Variants in PPP1R9A observed in about 807,000 individuals in gnomAD.
PPP1R9A encodes the protein protein phosphatase 1 regulatory subunit 9A.
A neutral mutation model predicts 141.9 loss-of-function variants in PPP1R9A; 59 were observed. That is an observed-to-expected ratio of 0.42 (90% CI 0.34 to 0.52). The LOEUF (loss-of-function observed/expected upper bound fraction) is 0.52, where lower values mean the gene tolerates loss of function less well. PPP1R9A is among the 20% of genes least tolerant of loss of function. The pLI, the probability that PPP1R9A is intolerant of heterozygous loss-of-function variation, is 0.10. For missense variants in PPP1R9A, 1,444 were observed against 1,611.9 expected (o/e 0.90, Z 1.78); for synonymous variants, 500 against 569.7 (o/e 0.88, Z 1.74).
intron 2 of PPP1R9A, among the ~76,000 whole-genome samples, chr7:95,017,619 T>C (rs1805288616): frequency 6.6e-6 from 1 of 152,036 alleles, no homozygotes; most frequent in Admixed American, 6.6e-5. Context: ...TTATAAAAAC[T>C]ATGTGGAAGT....
At chr7:94,925,744 A>G (rs1021261737) in intron 2 of PPP1R9A, among the ~76,000 whole-genome samples, 3 of 152,006 alleles carry the variant, frequency 2.0e-5, no homozygotes, top group Non-Finnish European at 4.4e-5. Flanking sequence ...ATAACCTGTT[A>G]TGTTCATCAT....
intron 4 of PPP1R9A, among the ~76,000 whole-genome samples, chr7:95,159,357 T>C (rs556613296): frequency 1.3e-5 from 2 of 152,306 alleles, no homozygotes; most frequent in Non-Finnish European, 2.9e-5. Context: ...TATTCATGCA[T>C]ATATATAGAT....
At position 95,207,082 on chromosome 7, in the gene PPP1R9A, TC is replaced by T. The variant is rs1166390833; in HGVS notation, c.1956+3354del. 5.3e-5 allele frequency among the ~76,000 whole-genome samples: 8 copies of T among 152,268 alleles called. No homozygotes were observed. In the East Asian group the frequency reaches 1.4e-3, roughly 26 times the overall value. On this transcript the variant is annotated intron_variant, in intron 7 of 19. Coordinates refer to ENST00000433360, the MANE Select transcript of PPP1R9A (RefSeq NM_001166160.2). ...CAGAAGAAAAAAAAAAGCATATCTTTCCTTGGGCGTTCATCTTTACTCAAAG... is the reference window on the plus strand; with the variant it reads ...CAGAAGAAAAAAAAAAGCATATCTTTCTTGGGCGTTCATCTTTACTCAAAG...
At chr7:95,081,913 T>C (rs1212202743) in intron 2 of PPP1R9A, among the ~76,000 whole-genome samples, 1 of 152,206 alleles carries the variant, frequency 6.6e-6, no homozygotes, top group African/African-American at 2.4e-5. Flanking sequence ...CCCAGTGCCA[T>C]GATAGCCTTG....
At chr7:95,220,079 G>A (rs778368421) in intron 7 of PPP1R9A, among the ~76,000 whole-genome samples, 1 of 151,960 alleles carries the variant, frequency 6.6e-6, no homozygotes, top group Non-Finnish European at 1.5e-5. Flanking sequence ...TTATAGATGA[G>A]GAAACAACAT....
intron 4 of PPP1R9A, among the ~76,000 whole-genome samples, chr7:95,149,360 A>G (rs1003544253): frequency 6.6e-6 from 1 of 152,182 alleles, no homozygotes; most frequent in Non-Finnish European, 1.5e-5. Context: ...CCTTTCTTAC[A>G]GTTATTTTCT....
chr7:95,210,406 T>C (rs915789305), intron 7 of PPP1R9A, among the ~76,000 whole-genome samples: 59 of 152,264 alleles, frequency 3.9e-4, no homozygotes, highest in African/African-American at 1.4e-3. Context: ...AAGGATATTT[T>C]TGTTGTTTTT....
intron 3 of PPP1R9A, among the ~76,000 whole-genome samples, chr7:95,119,591 C>G (rs1379111952): frequency 6.6e-6 from 1 of 152,062 alleles, no homozygotes; most frequent in Non-Finnish European, 1.5e-5. Flanking sequence ...ACAGCTGGGA[C>G]TACAGGTGTG....
intron 12 of PPP1R9A, among the ~76,000 whole-genome samples, chr7:95,257,876 C>G (rs564851463): frequency 0.13 from 20,464 of 152,066 alleles, 1,557 homozygotes; most frequent in Admixed American, 0.2. Flanking sequence ...ATAGTATTCC[C>G]TGGTGTATAT....
At chr7:95,159,936 AAAAAAAGAAAG>A (rs1262765746) in intron 4 of PPP1R9A, among the ~76,000 whole-genome samples, 10 of 143,220 alleles carry the variant, frequency 7.0e-5, no homozygotes, top group African/African-American at 2.5e-4. Flanking sequence ...AAAAAAAAAA[AAAAAAAGAAAG>A]AAAGAAAGAA....
chr7:95,279,832 A>G (rs1803835284), intron 16 of PPP1R9A, among the ~76,000 whole-genome samples: 1 of 152,232 alleles, frequency 6.6e-6, no homozygotes, highest in Non-Finnish European at 1.5e-5. Context: ...TAAACACCTA[A>G]GCAATATATC....
chr7:95,277,463 T>C (rs547727246), intron 16 of PPP1R9A, among the ~76,000 whole-genome samples: 1 of 152,334 alleles, frequency 6.6e-6, no homozygotes, highest in Admixed American at 6.5e-5. Flanking sequence ...AGTGTCTCAC[T>C]CTGTTGCCCA....
chr7:95,061,165 A>G (rs1812177029), intron 2 of PPP1R9A, among the ~76,000 whole-genome samples: 1 of 152,220 alleles, frequency 6.6e-6, no homozygotes, highest in African/African-American at 2.4e-5. Flanking sequence ...CAGATAATCA[A>G]AAACAAAACA....
intron 2 of PPP1R9A, among the ~76,000 whole-genome samples, chr7:95,074,371 C>CTT (rs1192518700): frequency 6.0e-5 from 9 of 151,146 alleles, no homozygotes; most frequent in African/African-American, 2.2e-4. Context: ...CAAAGACCGT[C>CTT]TTTATTATTA....
chr7:94,942,729 G>C (rs1795467684), intron 2 of PPP1R9A, among the ~76,000 whole-genome samples: 1 of 151,874 alleles, frequency 6.6e-6, no homozygotes, highest in African/African-American at 2.4e-5. Flanking sequence ...ACTTGAACCT[G>C]GGAGGCAGAG....
At chr7:95,006,523 A>G (rs955263687) in intron 2 of PPP1R9A, among the ~76,000 whole-genome samples, 2 of 151,898 alleles carry the variant, frequency 1.3e-5, no homozygotes, top group Non-Finnish European at 2.9e-5. Context: ...GAACATTTTT[A>G]ATGCTTGTTT....
intron 2 of PPP1R9A, among the ~76,000 whole-genome samples, chr7:94,967,374 C>T (rs1046132666): frequency 6.6e-6 from 1 of 151,912 alleles, no homozygotes; most frequent in Non-Finnish European, 1.5e-5. Flanking sequence ...AATTTGTTTG[C>T]TCTTGCTTCT....
At chr7:95,075,849 A>G (rs890454589) in intron 2 of PPP1R9A, among the ~76,000 whole-genome samples, 1 of 151,988 alleles carries the variant, frequency 6.6e-6, no homozygotes, top group Non-Finnish European at 1.5e-5. Flanking sequence ...AAAAAAATGT[A>G]TGGAGAGGTA....
chr7:95,104,675 A>G, intron 2 of PPP1R9A, among the ~76,000 whole-genome samples: 1 of 152,206 alleles, frequency 6.6e-6, no homozygotes, highest in Middle Eastern at 3.2e-3. Context: ...TACACTAGAT[A>G]ATTCTACCTA....
Sources: allele counts gnomAD v4.1 joint callset (sites outside exome capture counted in the v4.1 genomes callset), GRCh38; gene constraint gnomAD v4.1.1; transcripts MANE v1.5; gene names NCBI Gene and HGNC (gene_info 2026-07-23, HGNC 2026-07-21).